Variants in LRFN5 observed in about 807,000 individuals in gnomAD.
LRFN5 encodes the protein leucine rich repeat and fibronectin type III domain containing 5, also known as leucine-rich repeat and fibronectin type-III domain-containing protein 5.
A neutral mutation model predicts 45.6 loss-of-function variants in LRFN5; 24 were observed. That is an observed-to-expected ratio of 0.53 (90% CI 0.38 to 0.74). The LOEUF (loss-of-function observed/expected upper bound fraction) is 0.74, where lower values mean the gene tolerates loss of function less well. LRFN5 is among the 30% of genes least tolerant of loss of function. The probability of loss-of-function intolerance (pLI) is 0.00; values close to 1 mark genes in which losing one functional copy is unlikely to be tolerated. For synonymous variants in LRFN5, 340 were observed against 313.8 expected (o/e 1.08, Z -0.88); for missense variants, 776 against 861.5 (o/e 0.90, Z 1.24).
At chr14:41,844,995 G>A (rs1024787085) in intron 2 of LRFN5, among the ~76,000 whole-genome samples, 2 of 151,906 alleles carry the variant, frequency 1.3e-5, no homozygotes, top group African/African-American at 4.8e-5. Flanking sequence ...TTATAAATAA[G>A]TATCAAATAT....
At chr14:41,796,128 G>C (rs1205330899) in intron 2 of LRFN5, among the ~76,000 whole-genome samples, 1 of 151,758 alleles carries the variant, frequency 6.6e-6, no homozygotes, top group Non-Finnish European at 1.5e-5. Context: ...AACACAAAAT[G>C]TTCTTTATAT....
At chr14:41,903,957 A>G (rs1047466327) in intron 5 of LRFN5, among the ~76,000 whole-genome samples, 2 of 152,110 alleles carry the variant, frequency 1.3e-5, no homozygotes, top group Admixed American at 1.3e-4. Flanking sequence ...AATTGAAGTT[A>G]CTAAGAAGCA....
At chr14:41,848,367 C>G (rs2139069815) in intron 2 of LRFN5, among the ~76,000 whole-genome samples, 1 of 152,056 alleles carries the variant, frequency 6.6e-6, no homozygotes, top group East Asian at 1.9e-4. Context: ...CAAATAAAAC[C>G]TAACAGGAAA....
At chr14:41,791,241 C>G (rs935723194) in intron 2 of LRFN5, among the ~76,000 whole-genome samples, 1 of 151,744 alleles carries the variant, frequency 6.6e-6, no homozygotes, top group Admixed American at 6.6e-5. Flanking sequence ...TTTTGACACT[C>G]ATTATACTAT....
chr14:41,727,355 G>A (rs1213881820), intron 1 of LRFN5, among the ~76,000 whole-genome samples: 1 of 152,122 alleles, frequency 6.6e-6, no homozygotes, highest in Non-Finnish European at 1.5e-5. Flanking sequence ...TGTAATCTTA[G>A]CACTTTAGCA....
chr14:41,608,753 G>A (rs1479789398), intron 1 of LRFN5, among the ~76,000 whole-genome samples, 191 bp downstream of exon 1: 1 of 152,190 alleles, frequency 6.6e-6, no homozygotes, highest in African/African-American at 2.4e-5. Flanking sequence ...CTATACCTAA[G>A]CACTTAATCT....
intron 1 of LRFN5, among the ~76,000 whole-genome samples, chr14:41,667,296 A>C (rs1296416893): frequency 1.3e-5 from 2 of 152,168 alleles, no homozygotes; most frequent in African/African-American, 4.8e-5. Context: ...CCTAGATTGT[A>C]GTCAATTCTT....
Position 41,904,433 on chromosome 14 carries a change from A to T in LRFN5, c.*258A>T. 2.4e-6 allele frequency: 1 copy of T among 419,320 alleles called. No homozygotes were observed. The highest frequency in any genetic ancestry group is 4.2e-6 in the Non-Finnish European group (1 of 237,792). 26.0% of individuals were successfully genotyped at this position (419,320 alleles called of 1,614,324 possible). ...TTTTTTTAAAAAAGAAAAAAAGCCT[A>T]CATTGGCATCAAGTTCTGTATCAAT... On this transcript the variant is annotated 3_prime_UTR_variant, in exon 6 of 6. Transcript: ENST00000298119.
intron 1 of LRFN5, among the ~76,000 whole-genome samples, chr14:41,663,759 A>C (rs2138643380): frequency 6.6e-6 from 1 of 152,108 alleles, no homozygotes; most frequent in South Asian, 2.1e-4. Flanking sequence ...CTGGTCTCAC[A>C]AAGGGGAACA....
chr14:41,798,569 T>C (rs900459758), intron 2 of LRFN5, among the ~76,000 whole-genome samples: 1 of 152,028 alleles, frequency 6.6e-6, no homozygotes, highest in Non-Finnish European at 1.5e-5. Flanking sequence ...AATGATTAGA[T>C]CCATGAATGT....
At chr14:41,738,436 G>A (rs370077188) in intron 1 of LRFN5, among the ~76,000 whole-genome samples, 1 of 152,128 alleles carries the variant, frequency 6.6e-6, no homozygotes, top group East Asian at 1.9e-4. Context: ...ATAGGCATGG[G>A]CAAAGACTTC....
chr14:41,637,925 T>G (rs1233503757), intron 1 of LRFN5, among the ~76,000 whole-genome samples: 1 of 152,110 alleles, frequency 6.6e-6, no homozygotes, highest in Non-Finnish European at 1.5e-5. Flanking sequence ...GCTTTCTGGG[T>G]TTTGCTTCAA....
At chr14:41,716,212 T>C (rs1040470611) in intron 1 of LRFN5, among the ~76,000 whole-genome samples, 1 of 152,200 alleles carries the variant, frequency 6.6e-6, no homozygotes, top group African/African-American at 2.4e-5. Flanking sequence ...GGGACTGCCA[T>C]GAAGACCTCT....
At chr14:41,685,449 T>C (rs537739218) in intron 1 of LRFN5, among the ~76,000 whole-genome samples, 1 of 152,348 alleles carries the variant, frequency 6.6e-6, no homozygotes, top group African/African-American at 2.4e-5. Context: ...GCTTTTGCTG[T>C]GCAGAAGCTC....
At chr14:41,635,661 T>C (rs946779640) in intron 1 of LRFN5, among the ~76,000 whole-genome samples, 1 of 151,976 alleles carries the variant, frequency 6.6e-6, no homozygotes, top group African/African-American at 2.4e-5. Context: ...TAGATTACAG[T>C]GGTTTGAAAA....
At chr14:41,671,535 T>G (rs2138659889) in intron 1 of LRFN5, among the ~76,000 whole-genome samples, 1 of 151,828 alleles carries the variant, frequency 6.6e-6, no homozygotes, top group African/African-American at 2.4e-5. Context: ...CTTAAAATAT[T>G]ACTTCGTGGT....
intron 1 of LRFN5, among the ~76,000 whole-genome samples, chr14:41,701,884 G>A (rs1242516064): frequency 1.3e-5 from 2 of 152,118 alleles, no homozygotes; most frequent in African/African-American, 4.8e-5. Context: ...TTTCAGAAAA[G>A]CGGAACCTCA....
At position 41,887,835 on chromosome 14, in the gene LRFN5, G is replaced by C. The variant is rs1890631990; in HGVS notation, c.1210G>C (p.Gly404Arg). ...SSDISTSTKS[G>R]SNTSSSNGDT... ...AGATATCTCAACTTCTACCAAGTCAGGTTCTAATACAAGCAGTAGTAATGG... is the reference window on the plus strand; with the variant it reads ...AGATATCTCAACTTCTACCAAGTCACGTTCTAATACAAGCAGTAGTAATGG... The change falls in exon 3 of 6, where the codon GGT (glycine) becomes CGT (arginine). Residue 404 changes from glycine to arginine, a missense_variant. Physicochemically the swap from Gly to Arg is moderately radical, Grantham distance 125. This residue lies in a region of LRFN5 where 465 missense variants were observed against 456.4 expected (regional missense o/e 1.02). Coordinates refer to ENST00000298119, the MANE Select transcript of LRFN5 (RefSeq NM_152447.5). The surrounding 1 kb of genome is among the most constrained non-coding windows in gnomAD (Gnocchi z 4.8). 6 of 1,614,006 alleles carry C rather than the reference G, an allele frequency of 3.7e-6. No individual in the cohort carries two copies. Among genetic ancestry groups the C allele is most frequent in the Non-Finnish European group, 5.1e-6 (6 of 1,180,000 alleles).
chr14:41,709,611 T>A (rs1397373114), intron 1 of LRFN5, among the ~76,000 whole-genome samples: 1 of 152,112 alleles, frequency 6.6e-6, no homozygotes, highest in Non-Finnish European at 1.5e-5. Flanking sequence ...GTGGAATTTC[T>A]CTTTGTATGT....
Sources: allele counts gnomAD v4.1 joint callset (sites outside exome capture counted in the v4.1 genomes callset), GRCh38; gene constraint gnomAD v4.1.1; regional missense constraint gnomAD v4.1.1; non-coding constraint Gnocchi (gnomAD v3.1); transcripts MANE v1.5; gene names NCBI Gene and HGNC (gene_info 2026-07-23, HGNC 2026-07-21).